Variants in CRABP2 observed in about 807,000 individuals in gnomAD.
CRABP2 encodes cellular retinoic acid-binding protein 2.
CRABP2 carries 20 observed loss-of-function variants against 17.9 expected under a neutral mutation model. The ratio of observed to expected loss-of-function variants is 1.12; its 90% CI spans 0.79 to 1.63. The LOEUF (loss-of-function observed/expected upper bound fraction) is 1.63. Among genes scored for constraint, CRABP2 ranks in the 40% most tolerant of loss-of-function variants. CRABP2 has a pLI of 0.00. For missense variants in CRABP2, 151 were observed against 168.6 expected (o/e 0.90, Z 0.58); for synonymous variants, 76 against 66.4 (o/e 1.14, Z -0.70).
chr1:156,700,841 C>G (rs748283017), intron 2 of CRABP2, 33 bp downstream of exon 2: 9 of 1,604,674 alleles, frequency 5.6e-6, no homozygotes, highest in South Asian at 1.1e-5. Flanking sequence ...AGGGCAATGA[C>G]GCCATGACCC....
At position 156,701,096 on chromosome 1, in the gene CRABP2, C is replaced by T; in HGVS notation, c.71-44G>A. On this transcript the variant is annotated intron_variant, in intron 1 of 3. Coordinates refer to ENST00000368222, the MANE Select transcript of CRABP2 (RefSeq NM_001878.4). ...GGCTCACCTTTTAGGGGCCTTTGGG[C>T]ACCTCTCTCACACCCTCCCCATAAG... 1.9e-6 allele frequency: 3 copies of T among 1,593,006 alleles called. No individual in the cohort carries two copies. In the South Asian group the frequency reaches 3.4e-5, roughly 18 times the overall value.
At position 156,705,333 on chromosome 1, in the gene CRABP2, A is replaced by G; in HGVS notation, c.70+44T>C. ...TCTCATCCCCAACTTCGAGGACTCC[A>G]GAGCCCCCCCTTGCCCCACCTGGGC... On this transcript the variant is annotated intron_variant, in intron 1 of 3. Transcript: ENST00000368222. This position sits in a 1 kb window ranked among gnomAD's most constrained non-coding sequence, Gnocchi z 5.2. 1 of 1,603,514 alleles carries G rather than the reference A, an allele frequency of 6.2e-7. No individual in the cohort carries two copies. The highest frequency in any genetic ancestry group is 8.5e-7 in the Non-Finnish European group (1 of 1,170,330).
intron 1 of CRABP2, among the ~76,000 whole-genome samples, chr1:156,703,865 T>C (rs1648114490): frequency 6.6e-6 from 1 of 152,172 alleles, no homozygotes; most frequent in Admixed American, 6.5e-5. Context: ...CTGGTGCCTG[T>C]GGAGCTGAGG....
intron 1 of CRABP2, 129 bp from the exon 2 acceptor site, chr1:156,701,181 G>T: frequency 1.0e-6 from 1 of 978,916 alleles, no homozygotes; most frequent in Non-Finnish European, 1.5e-6. Context: ...GGGTGCATCT[G>T]CCTGGTGCCT....
chr1:156,700,727 G>A, intron 2 of CRABP2, 69 bp from the exon 3 acceptor site: 2 of 1,526,746 alleles, frequency 1.3e-6, no homozygotes, highest in Non-Finnish European at 1.8e-6. Context: ...GGATAAGGGA[G>A]AGAGCCCCTT....
intron 2 of CRABP2, 44 bp from the exon 3 acceptor site, chr1:156,700,702 G>A (rs1278726759): frequency 6.4e-7 from 1 of 1,568,436 alleles, no homozygotes; most frequent in Non-Finnish European, 8.8e-7. Flanking sequence ...CATAGCAGGG[G>A]CAATGCAGTG....
rs1394548814 is a variant in CRABP2 at position 156,705,435 on chromosome 1, G to A, written c.12C>T (p.Phe4=). 1 of 1,614,068 alleles carries A rather than the reference G, an allele frequency of 6.2e-7. No individual in the cohort carries two copies. Among genetic ancestry groups the A allele is most frequent in the Non-Finnish European group, 8.5e-7 (1 of 1,180,046 alleles). MPN[F]SGNWKIIRSE... ...ATCGGATGATTTTCCAGTTGCCAGA[G>A]AAGTTGGGCATGGTGGCGGCGCGGG... The change falls in exon 1 of 4, where the codon TTC becomes TTT. Residue 4 remains phenylalanine (F), a synonymous_variant. Transcript: ENST00000368222. This position sits in a 1 kb window ranked among gnomAD's most constrained non-coding sequence, Gnocchi z 5.2.
At chr1:156,700,811 A>G in intron 2 of CRABP2, 63 bp downstream of exon 2, 1 of 1,579,758 alleles carries the variant, frequency 6.3e-7, no homozygotes, top group Non-Finnish European at 8.6e-7. Context: ...GCTAGCCTGG[A>G]AAATGGCAGG....
At chr1:156,700,716 G>A (rs1648006155) in intron 2 of CRABP2, 58 bp from the exon 3 acceptor site, 1 of 1,541,628 alleles carries the variant, frequency 6.5e-7, no homozygotes, top group Non-Finnish European at 9.0e-7. Flanking sequence ...TGCAGTGAGA[G>A]GGATAAGGGA....
chr1:156,705,357 G>T lies in CRABP2; in HGVS notation c.70+20C>A, dbSNP rs762856531. ...CAGAGCCCCCCCTTGCCCCACCTGG[G>T]CCCTCGAACATTTCCTTACCCAGCA... On this transcript the variant is annotated intron_variant, in intron 1 of 3. Transcript: ENST00000368222. The surrounding 1 kb of genome is among the most constrained non-coding windows in gnomAD (Gnocchi z 5.2). 6.2e-7 allele frequency: 1 copy of T among 1,613,872 alleles called. No homozygotes were observed. The highest frequency in any genetic ancestry group is 2.2e-5 in the East Asian group (1 of 44,878).
At chr1:156,705,747 G>T, upstream of CRABP2, 1 of 375,306 alleles carries the variant, frequency 2.7e-6, no homozygotes, top group Non-Finnish European at 4.9e-6. This position sits in a 1 kb window ranked among gnomAD's most constrained non-coding sequence, Gnocchi z 5.2. Flanking sequence ...GGCTTCTCTG[G>T]GGACCGAGAT....
Position 156,700,940 on chromosome 1 carries a change from G to T in CRABP2, c.183C>A (p.Thr61=). 2 of 1,614,190 alleles carry T rather than the reference G, an allele frequency of 1.2e-6. No individual in the cohort carries two copies. The highest frequency in any genetic ancestry group is 2.2e-5 in the South Asian group (2 of 91,088). The part of the protein sequence containing the change: ...FYIKTSTTVR[T]TEINFKVGEE... Reference sequence around the variant, plus strand: ...CCCCAACCTTGAAGTTAATCTCTGTGGTGCGCACGGTGGTGGAGGTTTTGA... The same window carrying T: ...CCCCAACCTTGAAGTTAATCTCTGTTGTGCGCACGGTGGTGGAGGTTTTGA... Residue 61 remains threonine, a synonymous_variant, in exon 2 of 4, where the codon ACC becomes ACA. Transcript: ENST00000368222.
Position 156,700,900 on chromosome 1 carries a change from G to T in CRABP2, c.223C>A (p.Gln75Lys). ...NFKVGEEFEE[Q>K]TVDGRPCKSL... ...TTACAGGGCCTCCCATCCACAGTCT[G>T]CTCCTCAAACTCCTCCCCAACCTTG... The change falls in exon 2 of 4, where the codon CAG becomes AAG. Residue 75 changes from glutamine to lysine, a missense_variant. Physicochemically the swap from Gln to Lys is moderately conservative, Grantham distance 53 (BLOSUM62 1). Coordinates refer to ENST00000368222, the MANE Select transcript of CRABP2 (RefSeq NM_001878.4). 1.9e-6 allele frequency: 3 copies of T among 1,614,048 alleles called. No homozygotes were observed. The highest frequency in any genetic ancestry group is 2.5e-6 in the Non-Finnish European group (3 of 1,179,954).
Position 156,705,292 on chromosome 1 carries a change from G to A in CRABP2, c.70+85C>T. The A allele has an allele frequency of 1.4e-6, 2 of 1,443,334 alleles. No individual in the cohort carries two copies. Among genetic ancestry groups the A allele is most frequent in the Non-Finnish European group, 2.0e-6 (2 of 1,025,624 alleles). 89.4% of individuals were successfully genotyped at this position (1,443,334 alleles called of 1,614,324 possible). A position where few individuals can be genotyped will look rare whatever the true frequency, so the allele number is the denominator to read the frequency against. On this transcript the variant is annotated intron_variant, in intron 1 of 3. Coordinates refer to ENST00000368222, the MANE Select transcript of CRABP2 (RefSeq NM_001878.4). This position sits in a 1 kb window ranked among gnomAD's most constrained non-coding sequence, Gnocchi z 5.2. ...GCACCCAGTGTCTCACGCCCTGATT[G>A]TGGTCCCGCTGTCTTTCTCATCCCC...
chr1:156,703,253 G>A (rs538122744), intron 1 of CRABP2, among the ~76,000 whole-genome samples: 1 of 152,186 alleles, frequency 6.6e-6, no homozygotes, highest in East Asian at 1.9e-4. Context: ...CACAGGGTCC[G>A]GCTATCTCAT....
At chr1:156,704,305 A>G (rs1648128967) in intron 1 of CRABP2, among the ~76,000 whole-genome samples, 1 of 152,200 alleles carries the variant, frequency 6.6e-6, no homozygotes, top group Non-Finnish European at 1.5e-5. Context: ...TCTTAGATCC[A>G]GACTCACTCC....
rs376354515 is a variant in CRABP2 at position 156,700,915 on chromosome 1, C to A, written c.208G>T (p.Glu70Ter). ...TCCACAGTCTGCTCCTCAAACTCCT[C>A]CCCAACCTTGAAGTTAATCTCTGTG... ...RTTEINFKVG[E>*]EFEEQTVDGR... The change falls in exon 2 of 4, where the codon GAG becomes TAG. Residue 70 changes from glutamate to a stop codon, truncating the protein, a stop_gained. Transcript: ENST00000368222. LOFTEE classifies it high-confidence loss of function. 6.2e-7 allele frequency: 1 copy of A among 1,614,152 alleles called. No individual in the cohort carries two copies. The highest frequency in any genetic ancestry group is 8.5e-7 in the Non-Finnish European group (1 of 1,180,004).
chr1:156,701,036 C>T lies in CRABP2; in HGVS notation c.87G>A (p.Leu29=), dbSNP rs772583740. ...LLKVLGVNVM[L]RKIAVAAASK... ...ACGCTGCAGCCACAGCAATCTTCCT[C>T]AGCATCACATTCACCCCTGTGGGGA... The change falls in exon 2 of 4, where the codon CTG becomes CTA. Residue 29 remains leucine, a synonymous_variant. Transcript: ENST00000368222. The T allele has an allele frequency of 3.4e-5, 55 of 1,614,014 alleles. No individual in the cohort carries two copies. Among genetic ancestry groups the T allele is most frequent in the Middle Eastern group, 1.6e-4 (1 of 6,072 alleles).
chr1:156,705,665 T>TC, upstream of CRABP2: 1 of 428,236 alleles, frequency 2.3e-6, no homozygotes, highest in South Asian at 4.9e-5. The surrounding 1 kb of genome is among the most constrained non-coding windows in gnomAD (Gnocchi z 5.2). Context: ...CGCCTCCCGC[T>TC]CCGCCCCCCC....
Sources: allele counts gnomAD v4.1 joint callset (sites outside exome capture counted in the v4.1 genomes callset), GRCh38; gene constraint gnomAD v4.1.1; non-coding constraint Gnocchi (gnomAD v3.1); transcripts MANE v1.5; gene names NCBI Gene and HGNC (gene_info 2026-07-23, HGNC 2026-07-21).